NELL1: variants seen among roughly 807,000 people sequenced by gnomAD.
NELL1 encodes protein kinase C-binding protein NELL1.
NELL1 carries 76 observed loss-of-function variants against 107.4 expected under a neutral mutation model. That is an observed-to-expected ratio of 0.71 (90% confidence interval 0.59 to 0.86). The LOEUF is 0.86. NELL1 is among the 40% of genes least tolerant of loss of function. The probability of loss-of-function intolerance (pLI) is 0.00; values close to 1 mark genes in which losing one functional copy is unlikely to be tolerated. For missense variants in NELL1, 1,024 were observed against 1,005.5 expected, an observed-to-expected ratio of 1.02 and a Z score of -0.25; for synonymous variants, 353 against 341.2, an observed-to-expected ratio of 1.03 and a Z score of -0.38.
intron 13 of NELL1, among the ~76,000 whole-genome samples, chr11:21,225,026 G>A (rs1857857080): frequency 6.6e-6 from 1 of 152,118 alleles, no homozygotes; most frequent in Non-Finnish European, 1.5e-5. Context: ...TGAATTGCCT[G>A]TCCCATGGGA....
At chr11:21,492,867 C>T (rs1004622187) in intron 15 of NELL1, among the ~76,000 whole-genome samples, 1 of 151,798 alleles carries the variant, frequency 6.6e-6, no homozygotes, top group African/African-American at 2.4e-5. Context: ...GCACATTGTG[C>T]ACATGTACCC....
chr11:21,281,710 A>C (rs1565146333), intron 14 of NELL1, among the ~76,000 whole-genome samples: 1 of 152,124 alleles, frequency 6.6e-6, no homozygotes, highest in South Asian at 2.1e-4. Context: ...GAGAGACTCC[A>C]TTTGTTTGGG....
chr11:20,714,983 C>G (rs1423453471), intron 2 of NELL1, among the ~76,000 whole-genome samples: 2 of 152,106 alleles, frequency 1.3e-5, no homozygotes, highest in East Asian at 3.9e-4. Context: ...GTGGCTCACG[C>G]CTGTAATCCC....
chr11:21,201,888 G>A (rs1322407689), intron 13 of NELL1, among the ~76,000 whole-genome samples: 4 of 152,140 alleles, frequency 2.6e-5, no homozygotes, highest in East Asian at 3.9e-4. Flanking sequence ...AGATAATCAC[G>A]TGGTTTTTGT....
chr11:21,232,155 A>T (rs866343621), intron 14 of NELL1, among the ~76,000 whole-genome samples: 6 of 50,030 alleles, frequency 1.2e-4, no homozygotes, highest in Admixed American at 6.3e-4. Context: ...AATAAAAAAA[A>T]AAAAATATAT....
At chr11:21,355,942 C>A (rs1370698651) in intron 14 of NELL1, among the ~76,000 whole-genome samples, 1 of 152,062 alleles carries the variant, frequency 6.6e-6, no homozygotes, top group African/African-American at 2.4e-5. Context: ...TTGCTGTAAC[C>A]TTTGCCTGGA....
intron 13 of NELL1, among the ~76,000 whole-genome samples, chr11:21,209,637 G>A (rs1448500129): frequency 6.6e-6 from 1 of 152,012 alleles, no homozygotes; most frequent in Admixed American, 6.6e-5. Context: ...CCCCATTAAA[G>A]TATAGAATTT....
chr11:21,377,080 T>C (rs1013301196), intron 15 of NELL1, among the ~76,000 whole-genome samples: 1 of 152,090 alleles, frequency 6.6e-6, no homozygotes, highest in Non-Finnish European at 1.5e-5. Context: ...TCCAATACTA[T>C]GTTGAATAGG....
intron 16 of NELL1, among the ~76,000 whole-genome samples, chr11:21,559,403 G>A (rs1856798362): frequency 1.3e-5 from 2 of 152,072 alleles, no homozygotes; most frequent in African/African-American, 4.8e-5. Context: ...AGCCAGGGTT[G>A]GACAGGTTTG....
intron 15 of NELL1, among the ~76,000 whole-genome samples, chr11:21,396,819 G>A (rs758470147): frequency 1.3e-5 from 2 of 151,384 alleles, no homozygotes; most frequent in Non-Finnish European, 3.0e-5. Context: ...CTGGAGAAGT[G>A]ACATTCCAGA....
chr11:21,011,239 G>C (rs1852439472), intron 12 of NELL1, among the ~76,000 whole-genome samples: 1 of 152,082 alleles, frequency 6.6e-6, no homozygotes, highest in East Asian at 1.9e-4. Flanking sequence ...TCCTGGTCTA[G>C]CCCAGAGTTA....
At chr11:21,493,276 C>T (rs75758207) in intron 15 of NELL1, among the ~76,000 whole-genome samples, 3,896 of 152,100 alleles carry the variant, frequency 0.026, 71 homozygotes, top group Middle Eastern at 0.099. Flanking sequence ...CAAAAAGATA[C>T]CTACATGTGC....
At chr11:21,454,261 T>C (rs1245050958) in intron 15 of NELL1, among the ~76,000 whole-genome samples, 1 of 150,082 alleles carries the variant, frequency 6.7e-6, no homozygotes, top group Non-Finnish European at 1.5e-5. Context: ...CATGAACTCA[T>C]CATTTTTTAT....
At chr11:21,356,087 ACT>A (rs1187079942) in intron 14 of NELL1, among the ~76,000 whole-genome samples, 1 of 151,908 alleles carries the variant, frequency 6.6e-6, no homozygotes, top group African/African-American at 2.4e-5. Flanking sequence ...CACTTCCCAC[ACT>A]GTGTCTGCTT....
intron 15 of NELL1, among the ~76,000 whole-genome samples, chr11:21,448,435 TAA>T (rs1387263810): frequency 1.3e-4 from 20 of 152,336 alleles, no homozygotes; most frequent in African/African-American, 4.8e-4. Context: ...AATTATATCT[TAA>T]GAGTTTCTCA....
intron 15 of NELL1, among the ~76,000 whole-genome samples, chr11:21,400,424 C>T (rs1045394856): frequency 3.3e-5 from 5 of 151,940 alleles, no homozygotes; most frequent in East Asian, 3.9e-4. Flanking sequence ...AATTAGGAAA[C>T]GCTATGTGAC....
At chr11:21,572,665 T>C (rs1857127696) in intron 18 of NELL1, among the ~76,000 whole-genome samples, 1 of 151,858 alleles carries the variant, frequency 6.6e-6, no homozygotes, top group Admixed American at 6.6e-5. Context: ...TCAAAACCAT[T>C]CTGAAATGGT....
intron 15 of NELL1, among the ~76,000 whole-genome samples, chr11:21,480,646 G>T (rs1854468781): frequency 6.6e-6 from 1 of 152,130 alleles, no homozygotes; most frequent in Non-Finnish European, 1.5e-5. Flanking sequence ...ATGAATGTTT[G>T]ATTTAAGCTC....
chr11:21,250,553 G>A (rs1161643832), intron 14 of NELL1, among the ~76,000 whole-genome samples: 1 of 152,164 alleles, frequency 6.6e-6, no homozygotes, highest in Non-Finnish European at 1.5e-5. Flanking sequence ...CACCTAGATA[G>A]ATAAGGAAAG....
Sources: gnomAD v4.1 joint callset for allele counts (sites outside exome capture counted in the v4.1 genomes callset) on GRCh38, gnomAD v4.1.1 for gene constraint, MANE v1.5 for transcripts, NCBI Gene and HGNC (gene_info 2026-07-23, HGNC 2026-07-21) for gene names.